BMP15: variants seen among roughly 807,000 people sequenced by gnomAD.
BMP15 encodes the protein growth/differentiation factor 9B.
Under a neutral mutation model 4.4 loss-of-function variants are expected in BMP15, and 5 were observed. The ratio of observed to expected loss-of-function variants is 1.13; its 90% CI spans 0.59 to 2.38. The LOEUF is 2.38. Ranked by LOEUF, BMP15 falls within the 30% of genes most tolerant of loss-of-function variation. The probability of loss-of-function intolerance (pLI) is 0.01; values close to 1 mark genes in which losing one functional copy is unlikely to be tolerated. For synonymous variants in BMP15, 125 were observed against 114.6 expected, an observed-to-expected ratio of 1.09 and a Z score of -0.58; for missense variants, 339 against 309.8, an observed-to-expected ratio of 1.09 and a Z score of -0.71.
At position 50,913,690 on chromosome X, in the gene BMP15, T is replaced by C. The variant is rs187040865; in HGVS notation, c.329-2067T>C. On this transcript the variant is annotated intron_variant, in intron 1 of 1. Transcript: ENST00000252677. ...GCTTTGACCAGACCCTTCCTGGCTC[T>C]GATTCTTAGCAACCCCATCCTGCTT... Among the ~76,000 whole-genome samples, 324 of 111,018 alleles carry C rather than the reference T, an allele frequency of 2.9e-3. 1 individual carries two copies. The highest frequency in any genetic ancestry group is 0.01 in the African/African-American group (309 of 30,526).
At chrX:50,912,829 AG>A (rs1348403259) in intron 1 of BMP15, among the ~76,000 whole-genome samples, 1 of 111,915 alleles carries the variant, frequency 8.9e-6, no homozygotes, top group African/African-American at 3.3e-5. Context: ...GTGCTATCAA[AG>A]GATGAAGTAG....
At chrX:50,915,704 T>C in intron 1 of BMP15, 53 bp from the exon 2 acceptor site, 6 of 1,201,452 alleles carry the variant, frequency 5.0e-6, no homozygotes, top group Non-Finnish European at 6.8e-6. Context: ...GGAATATTCA[T>C]GTTAAGAGGT....
At chrX:50,913,310 T>A (rs897995390) in intron 1 of BMP15, among the ~76,000 whole-genome samples, 45 of 110,696 alleles carry the variant, frequency 4.1e-4, no homozygotes, top group Non-Finnish European at 8.1e-4. Context: ...ACACCTGTGG[T>A]CCCAGCTACT....
intron 1 of BMP15, among the ~76,000 whole-genome samples, chrX:50,913,615 A>T (rs1923059229): frequency 1.8e-5 from 2 of 111,703 alleles, no homozygotes; most frequent in Non-Finnish European, 3.8e-5. Context: ...CCAGAGACAG[A>T]TGACAGGTTC....
Position 50,916,591 on chromosome X carries a change from C to T in BMP15, c.1163C>T (p.Ser388Phe), listed in dbSNP as rs1557280393. 3 of 1,211,240 alleles carry T rather than the reference C, an allele frequency of 2.5e-6. No homozygotes were observed. In the Admixed American group the frequency reaches 6.5e-5, roughly 26 times the overall value. The part of the protein sequence containing the change: ...YKEYEGMIAE[S>F]CTCR ...GAGTATGAGGGTATGATTGCTGAGT[C>T]TTGTACATGCAGATGACAGCAACAG... Residue 388 changes from serine to phenylalanine, a missense_variant, in exon 2 of 2, where the codon TCT (serine) becomes TTT (phenylalanine). Transcript: ENST00000252677.
At chrX:50,911,947 G>T (rs1347825534) in intron 1 of BMP15, among the ~76,000 whole-genome samples, 1 of 110,913 alleles carries the variant, frequency 9.0e-6, no homozygotes, top group Non-Finnish European at 1.9e-5. Flanking sequence ...TGAAGTGTAG[G>T]ACTCTCTAGA....
rs1243842126 is a variant in BMP15, at chrX:50,915,840, C to T, written c.412C>T (p.Arg138Cys). The change falls in exon 2 of 2, where the codon CGC becomes TGC. Residue 138 changes from arginine to cysteine, a missense_variant. Arg to Cys is a radical substitution (Grantham distance 180). Transcript: ENST00000252677. Reference protein sequence around the residue: ...YQLVRATVVYRHHLQLTRFNL... With the variant: ...YQLVRATVVYCHHLQLTRFNL... ...ACTAGTTAGAGCCACTGTGGTTTACCGCCATCATCTCCAACTAACTCGCTT... is the reference window on the plus strand; with the variant it reads ...ACTAGTTAGAGCCACTGTGGTTTACTGCCATCATCTCCAACTAACTCGCTT... The T allele has an allele frequency of 8.4e-5, 102 of 1,209,380 alleles. 1 individual carries two copies. The highest frequency in any genetic ancestry group is 2.3e-4 in the Middle Eastern group (1 of 4,373).
chrX:50,915,904 A>G lies in BMP15; in HGVS notation c.476A>G (p.Asn159Ser). Residue 159 changes from asparagine (N) to serine (S), a missense_variant, in exon 2 of 2, where the codon AAC becomes AGC. Asn to Ser is a conservative substitution (Grantham distance 46). Coordinates refer to ENST00000252677, the MANE Select transcript of BMP15 (RefSeq NM_005448.2). Reference sequence around the variant, plus strand: ...CATGTGGAGCCCTGGGTGCAGAAAAACCCAACCAACCACTTCCCTTCCTCA... The same window carrying G: ...CATGTGGAGCCCTGGGTGCAGAAAAGCCCAACCAACCACTTCCCTTCCTCA... ...SCHVEPWVQK[N>S]PTNHFPSSEG... 9.1e-6 allele frequency: 11 copies of G among 1,211,151 alleles called. No individual in the cohort carries two copies. Among genetic ancestry groups the G allele is most frequent in the Non-Finnish European group, 1.2e-5 (11 of 895,365 alleles).
chrX:50,911,252 G>A, intron 1 of BMP15, 141 bp downstream of exon 1: 1 of 748,028 alleles, frequency 1.3e-6, no homozygotes. Flanking sequence ...TCAAAGGATG[G>A]CAAGCTTTGG....
In BMP15 at chrX:50,916,552, G is replaced by A. The variant is rs1223604015; in HGVS notation, c.1124G>A (p.Ser375Asn). 1.2e-5 allele frequency: 15 copies of A among 1,209,419 alleles called. No homozygotes were observed. The highest frequency in any genetic ancestry group is 2.2e-5 in the Admixed American group (1 of 45,639). The change falls in exon 2 of 2, where the codon AGT becomes AAT. Residue 375 changes from serine (S) to asparagine (N), a missense_variant. Physicochemically the swap from Ser to Asn is conservative, Grantham distance 46 (BLOSUM62 1). Transcript: ENST00000252677. ...GTCCTTATGATTGAGGCAAATGGGA[G>A]TATTTTGTACAAGGAGTATGAGGGT... ...ISVLMIEANGSILYKEYEGMI... is the reference protein window; with the variant it reads ...ISVLMIEANGNILYKEYEGMI...
chrX:50,916,503 C>A lies in BMP15; in HGVS notation c.1075C>A (p.Pro359Thr). 2 of 1,211,170 alleles carry A rather than the reference C, an allele frequency of 1.7e-6. No homozygotes were observed. The highest frequency in any genetic ancestry group is 2.2e-6 in the Non-Finnish European group (2 of 895,337). The change falls in exon 2 of 2, where the codon CCG (proline) becomes ACG (threonine). Residue 359 changes from proline (P) to threonine (T), a missense_variant. Pro to Thr is a conservative substitution (Grantham distance 38, BLOSUM62 -1). Coordinates refer to ENST00000252677, the MANE Select transcript of BMP15 (RefSeq NM_005448.2). ...GAGTGTCCCCCGGCCCTCCTGTGTC[C>A]CGTATAAGTATGTTCCAATTAGTGT... ...DQSVPRPSCV[P>T]YKYVPISVLM...
intron 1 of BMP15, among the ~76,000 whole-genome samples, chrX:50,911,553 G>T (rs1045276319): frequency 2.7e-5 from 3 of 111,935 alleles, no homozygotes; most frequent in Middle Eastern, 4.2e-3. Flanking sequence ...ACATCTGAGG[G>T]TCTGTATACC....
At chrX:50,914,057 G>A (rs1424243754) in intron 1 of BMP15, among the ~76,000 whole-genome samples, 1 of 111,500 alleles carries the variant, frequency 9.0e-6, no homozygotes, top group South Asian at 3.8e-4. Flanking sequence ...TACAACCTCT[G>A]CCTCCCGGGT....
At chrX:50,915,403 G>A (rs1203821463) in intron 1 of BMP15, among the ~76,000 whole-genome samples, 1 of 110,960 alleles carries the variant, frequency 9.0e-6, no homozygotes, top group Admixed American at 9.6e-5. Flanking sequence ...GCCCAGCACT[G>A]TAAGTAATCT....
chrX:50,916,078 G>A lies in BMP15; in HGVS notation c.650G>A (p.Gly217Asp), dbSNP rs782480720. The change falls in exon 2 of 2, where the codon GGT becomes GAT. Residue 217 changes from glycine to aspartate, a missense_variant. By Grantham distance (94) the Gly-to-Asp change is moderately conservative (BLOSUM62 -1). Transcript: ENST00000252677. Reference sequence around the variant, plus strand: ...TGTCAGCAGCAAAAAGATAGTGGTGGTCTTGAGCTCTGGCATGGCACTTCA... The same window carrying A: ...TGTCAGCAGCAAAAAGATAGTGGTGATCTTGAGCTCTGGCATGGCACTTCA... ...FMCQQQKDSG[G>D]LELWHGTSSL... The A allele has an allele frequency of 8.3e-7, 1 of 1,211,944 alleles. No homozygotes were observed. Among genetic ancestry groups the A allele is most frequent in the South Asian group, 1.8e-5 (1 of 56,999 alleles).
At chrX:50,915,278 T>C (rs1018509676) in intron 1 of BMP15, among the ~76,000 whole-genome samples, 4 of 111,980 alleles carry the variant, frequency 3.6e-5, no homozygotes, top group African/African-American at 1.3e-4. Context: ...AATCCATGTA[T>C]GTTTCAACAA....
At position 50,916,185 on chromosome X, in the gene BMP15, A is replaced by G. The variant is rs781853233; in HGVS notation, c.757A>G (p.Met253Val). 1.7e-6 allele frequency: 2 copies of G among 1,207,549 alleles called. No individual in the cohort carries two copies. The highest frequency in any genetic ancestry group is 2.2e-6 in the Non-Finnish European group (2 of 895,508). The change falls in exon 2 of 2, where the codon ATG becomes GTG. Residue 253 changes from methionine to valine, a missense_variant. Physicochemically the swap from Met to Val is conservative, Grantham distance 21 (BLOSUM62 1). Coordinates refer to ENST00000252677, the MANE Select transcript of BMP15 (RefSeq NM_005448.2). ...IRKAKFLPRGMEEFMERESLL... is the reference protein window; with the variant it reads ...IRKAKFLPRGVEEFMERESLL... ...GAAGGCTAAATTTCTTCCCAGGGGC[A>G]TGGAGGAGTTCATGGAAAGGGAATC...
intron 1 of BMP15, among the ~76,000 whole-genome samples, chrX:50,914,820 T>C (rs987073626): frequency 4.5e-5 from 5 of 111,640 alleles, no homozygotes; most frequent in Admixed American, 9.5e-5. Context: ...GTGCAGAAGT[T>C]TGGAGCACCA....
Position 50,911,085 on chromosome X carries a change from T to C in BMP15, c.302T>C (p.Leu101Ser). The change falls in exon 1 of 2, where the codon TTG becomes TCG. Residue 101 changes from leucine (L) to serine (S), a missense_variant. Leu to Ser is a moderately radical substitution (Grantham distance 145, BLOSUM62 -2). Coordinates refer to ENST00000252677, the MANE Select transcript of BMP15 (RefSeq NM_005448.2). ...GATMVRLVKP[L>S]TNVARPHRGT... is the part of the protein sequence containing the mutation. ...ACCATGGTGAGGCTGGTGAAGCCCTTGACCAATGTGGCAAGGCCTCACAGA... is the reference window on the plus strand; with the variant it reads ...ACCATGGTGAGGCTGGTGAAGCCCTCGACCAATGTGGCAAGGCCTCACAGA... 8.4e-7 allele frequency: 1 copy of C among 1,187,706 alleles called. No homozygotes were observed. The highest frequency in any genetic ancestry group is 1.1e-6 in the Non-Finnish European group (1 of 883,216).
Sources: allele counts gnomAD v4.1 joint callset (sites outside exome capture counted in the v4.1 genomes callset), GRCh38; gene constraint gnomAD v4.1.1; transcripts MANE v1.5; gene names NCBI Gene and HGNC (gene_info 2026-07-23, HGNC 2026-07-21).